The following ANKH variants were observed in gnomAD, a reference collection of about 807,000 sequenced individuals.
ANKH encodes ANKH inorganic pyrophosphate transport regulator.
A neutral mutation model predicts 49.0 loss-of-function variants in ANKH; 15 were observed. That is an observed-to-expected ratio of 0.31 (90% CI 0.20 to 0.47). The LOEUF (loss-of-function observed/expected upper bound fraction) is 0.47. Among genes scored for constraint, ANKH ranks in the 20% least tolerant of loss-of-function variants. The pLI, the probability that ANKH is intolerant of heterozygous loss-of-function variation, is 1.00. For missense variants in ANKH, 429 were observed against 652.0 expected (o/e 0.66, Z 3.72); for synonymous variants, 273 against 260.0 (o/e 1.05, Z -0.48).
chr5:14,805,397 CGT>C (rs77663812), intron 1 of ANKH, among the ~76,000 whole-genome samples: 4,973 of 133,084 alleles, frequency 0.037, 315 homozygotes, highest in African/African-American at 0.13. Flanking sequence ...TGTATATATA[CGT>C]GTGTGTGTGT....
intron 1 of ANKH, chr5:14,869,931 T>C (rs1735766390): frequency 6.6e-6 from 1 of 152,194 alleles, no homozygotes; most frequent in Admixed American, 6.5e-5. Context: ...TTGACTCATC[T>C]AAAATGGGCA....
chr5:14,859,417 T>C (rs1735411205), intron 1 of ANKH, among the ~76,000 whole-genome samples: 1 of 152,214 alleles, frequency 6.6e-6, no homozygotes, highest in East Asian at 1.9e-4. Flanking sequence ...CATTAGTTTT[T>C]TAATGCAGGC....
chr5:14,794,491 C>T (rs554974175), intron 1 of ANKH, among the ~76,000 whole-genome samples: 25 of 152,346 alleles, frequency 1.6e-4, no homozygotes, highest in East Asian at 9.6e-4. Context: ...TATCTTCTTT[C>T]GTATCCTAAT....
At chr5:14,806,534 G>T (rs1470731098) in intron 1 of ANKH, among the ~76,000 whole-genome samples, 1 of 152,136 alleles carries the variant, frequency 6.6e-6, no homozygotes, top group African/African-American at 2.4e-5. Context: ...TTTCTAGGTG[G>T]TCAGGGGAGT....
At chr5:14,811,212 T>C (rs961929189) in intron 1 of ANKH, among the ~76,000 whole-genome samples, 10 of 148,444 alleles carry the variant, frequency 6.7e-5, no homozygotes, top group Non-Finnish European at 8.8e-5. Context: ...TGAAACAAGC[T>C]CAGCCGCTTC....
chr5:14,788,474 G>A (rs937053962), intron 1 of ANKH, among the ~76,000 whole-genome samples: 4 of 152,170 alleles, frequency 2.6e-5, no homozygotes, highest in East Asian at 1.9e-4. Flanking sequence ...CCATCACATC[G>A]TGTACATTGT....
chr5:14,841,304 G>T (rs1041492647), intron 1 of ANKH, among the ~76,000 whole-genome samples: 51 of 144,726 alleles, frequency 3.5e-4, no homozygotes, highest in African/African-American at 1.1e-3. Flanking sequence ...CATTTATTTT[G>T]TTTTTTTTTT....
chr5:14,741,538 A>C, intron 8 of ANKH: 1 of 313,934 alleles, frequency 3.2e-6, no homozygotes, highest in South Asian at 4.3e-5. Flanking sequence ...TGGGCTAGAA[A>C]TTTTTCAGCA....
chr5:14,806,254 G>C (rs373556343), intron 1 of ANKH, among the ~76,000 whole-genome samples: 1 of 151,422 alleles, frequency 6.6e-6, no homozygotes, highest in African/African-American at 2.4e-5. Context: ...TGCCCCTCAC[G>C]ACCTGCACCA....
intron 1 of ANKH, among the ~76,000 whole-genome samples, chr5:14,793,023 T>TATATATATAAATATATATATATATAA (rs1385758620): frequency 3.0e-5 from 2 of 66,584 alleles, no homozygotes; most frequent in Non-Finnish European, 5.7e-5. Flanking sequence ...TATATATAAA[T>TATATATATAAATATATATATATATAA]ATATATATAT....
chr5:14,849,121 G>A (rs1742055784), intron 1 of ANKH, among the ~76,000 whole-genome samples: 1 of 152,164 alleles, frequency 6.6e-6, no homozygotes, highest in African/African-American at 2.4e-5. Flanking sequence ...CCAGTGCTAT[G>A]CTTACTTCCA....
chr5:14,798,156 G>T, intron 1 of ANKH: 1 of 1,554,332 alleles, frequency 6.4e-7, no homozygotes, highest in Non-Finnish European at 8.9e-7. Flanking sequence ...CTGCACACTG[G>T]CTATAACAAG....
chr5:14,718,829 A>AT (rs1554000280), intron 8 of ANKH, among the ~76,000 whole-genome samples: 1 of 85,724 alleles, frequency 1.2e-5, no homozygotes, highest in Non-Finnish European at 2.4e-5. Context: ...TCCCAACACC[A>AT]CCCCCCCCCC....
At chr5:14,759,851 AAGGG>A (rs1264346472) in intron 2 of ANKH, among the ~76,000 whole-genome samples, 8 of 90,848 alleles carry the variant, frequency 8.8e-5, no homozygotes, top group African/African-American at 3.5e-4. Flanking sequence ...AAGGGAAGGA[AAGGG>A]AAGGAAAGAG....
At position 14,711,160 on chromosome 5, in the gene ANKH, A is replaced by C; in HGVS notation, c.*37T>G. ...GAGATGATGCCGAAGTGTCATCCTG[A>C]CTGACTGTCCCTGCAGTGCCCATGG... On this transcript the variant is annotated 3_prime_UTR_variant, in exon 12 of 12. Transcript: ENST00000284268. 6.6e-7 allele frequency: 1 copy of C among 1,517,782 alleles called. No individual in the cohort carries two copies. Among genetic ancestry groups the C allele is most frequent in the East Asian group, 2.3e-5 (1 of 44,416 alleles). 94.0% of individuals were successfully genotyped at this position (1,517,782 alleles called of 1,614,324 possible). A position where few individuals can be genotyped will look rare whatever the true frequency, so the allele number is the denominator to read the frequency against.
intron 2 of ANKH, among the ~76,000 whole-genome samples, chr5:14,767,670 G>A (rs1285088825): frequency 1.3e-5 from 2 of 152,062 alleles, no homozygotes; most frequent in Non-Finnish European, 2.9e-5. Flanking sequence ...TCCAACCATG[G>A]CTAAATAGGG....
chr5:14,836,899 T>C (rs1346829380), intron 1 of ANKH, among the ~76,000 whole-genome samples: 1 of 152,194 alleles, frequency 6.6e-6, no homozygotes. Flanking sequence ...CAAAACAGCA[T>C]GATACTGGTA....
In ANKH at chr5:14,862,452, A is replaced by G. The variant is rs116475376; in HGVS notation, c.96+8900T>C. ...AAAGCCAGGGAAAACTAATTAACCA[A>G]CAAAGAAAAACAACACCTGGGCTGA... On this transcript the variant is annotated intron_variant, in intron 1 of 11. Coordinates refer to ENST00000284268, the MANE Select transcript of ANKH (RefSeq NM_054027.6). Among the ~76,000 whole-genome samples, 425 of 152,310 alleles carry G rather than the reference A, an allele frequency of 2.8e-3. 2 individuals are homozygous for G. Among genetic ancestry groups the G allele is most frequent in the African/African-American group, 9.7e-3 (405 of 41,560 alleles).
At chr5:14,858,588 T>C (rs955132328) in intron 1 of ANKH, among the ~76,000 whole-genome samples, 1 of 151,924 alleles carries the variant, frequency 6.6e-6, no homozygotes, top group Non-Finnish European at 1.5e-5. Flanking sequence ...TGGTGGGTAA[T>C]GCCTGTAGTC....
Sources: allele counts gnomAD v4.1 joint callset (sites outside exome capture counted in the v4.1 genomes callset), GRCh38; gene constraint gnomAD v4.1.1; transcripts MANE v1.5; gene names NCBI Gene and HGNC (gene_info 2026-07-23, HGNC 2026-07-21).